DTWD2: variants seen among roughly 807,000 people sequenced by gnomAD.
DTWD2 encodes DTW motif tRNA-uridine aminocarboxypropyltransferase 2.
In DTWD2, 39 loss-of-function variants were observed where a neutral mutation model predicts 31.8. The observed-to-expected ratio is 1.22, with a 90% CI of 0.95 to 1.60. The LOEUF is 1.60. DTWD2 is among the 40% of genes most tolerant of loss of function. The probability of loss-of-function intolerance (pLI) is 0.00; values close to 1 mark genes in which losing one functional copy is unlikely to be tolerated. For synonymous variants in DTWD2, 180 were observed against 142.8 expected, an observed-to-expected ratio of 1.26 and a Z score of -1.86; for missense variants, 515 against 381.5, an observed-to-expected ratio of 1.35 and a Z score of -2.92.
intron 4 of DTWD2, among the ~76,000 whole-genome samples, chr5:118,902,858 A>C (rs1429587517): frequency 6.6e-6 from 1 of 152,096 alleles, no homozygotes; most frequent in Non-Finnish European, 1.5e-5. Flanking sequence ...AGATGCTCTA[A>C]GCTTATGAAT....
chr5:118,848,306 C>A, intron 4 of DTWD2, 88 bp from the exon 5 acceptor site: 3 of 1,221,876 alleles, frequency 2.5e-6, no homozygotes, highest in African/African-American at 1.6e-5. Flanking sequence ...ACTTTCCTTC[C>A]AAAACTGCCA....
At chr5:118,845,464 A>G (rs1278430389) in intron 5 of DTWD2, among the ~76,000 whole-genome samples, 2 of 152,224 alleles carry the variant, frequency 1.3e-5, no homozygotes, top group Non-Finnish European at 2.9e-5. Context: ...AACAGCTTTC[A>G]CTATAAATTG....
chr5:118,914,134 A>C (rs1037804773), intron 4 of DTWD2, among the ~76,000 whole-genome samples: 26 of 152,184 alleles, frequency 1.7e-4, no homozygotes, highest in African/African-American at 6.3e-4. Flanking sequence ...TCTGGTTTAA[A>C]TGTGTCCCCT....
intron 4 of DTWD2, among the ~76,000 whole-genome samples, chr5:118,889,248 T>C (rs571675094): frequency 2.0e-5 from 3 of 152,166 alleles, no homozygotes; most frequent in East Asian, 1.9e-4. Context: ...GAAAAATTCA[T>C]CTCATATAAA....
At chr5:118,879,738 G>A (rs991572282) in intron 4 of DTWD2, among the ~76,000 whole-genome samples, 2 of 151,800 alleles carry the variant, frequency 1.3e-5, no homozygotes, top group East Asian at 1.9e-4. Flanking sequence ...TTACTTATAC[G>A]TAGAGCTAAG....
chr5:118,955,224 C>T (rs890804276), intron 1 of DTWD2, among the ~76,000 whole-genome samples: 12 of 152,178 alleles, frequency 7.9e-5, no homozygotes, highest in African/African-American at 2.7e-4. Flanking sequence ...CCTAATTTTA[C>T]TTATAATTAC....
chr5:118,984,306 C>T (rs923901653), intron 1 of DTWD2, among the ~76,000 whole-genome samples: 3 of 149,820 alleles, frequency 2.0e-5, no homozygotes, highest in African/African-American at 7.4e-5. Flanking sequence ...AAAAAAAATA[C>T]AAAACTTAGC....
intron 1 of DTWD2, chr5:118,973,710 G>A (rs1466369525): frequency 6.9e-5 from 106 of 1,528,258 alleles, no homozygotes; most frequent in Admixed American, 1.4e-4. Flanking sequence ...CTCCGCCGCC[G>A]CGGACTCCGG....
chr5:118,988,113 G>GA (rs1755469700), intron 1 of DTWD2, 181 bp downstream of exon 1: 1 of 769,962 alleles, frequency 1.3e-6, no homozygotes, highest in Non-Finnish European at 2.2e-6. Context: ...CATGAACCTG[G>GA]AAAAAGGGCT....
At position 118,902,465 on chromosome 5, in the gene DTWD2, A is replaced by G. The variant is rs143233719; in HGVS notation, c.597+26072T>C. Among the ~76,000 whole-genome samples the G allele has an allele frequency of 8.5e-5, 13 of 152,278 alleles. No homozygotes were observed. The East Asian group carries it at 2.5e-3, about 29-fold the overall frequency. The stretch of plus-strand genomic sequence containing the variant: ...GTACCCAGATTTCTGTAAATCAAAT[A>G]ATTATATCTTCAGATAACAGAATCT... On this transcript the variant is annotated intron_variant, in intron 4 of 5. Transcript: ENST00000510708.
intron 4 of DTWD2, among the ~76,000 whole-genome samples, chr5:118,918,330 T>C (rs553591898): frequency 2.6e-5 from 4 of 152,286 alleles, no homozygotes; most frequent in Non-Finnish European, 5.9e-5. Flanking sequence ...TCAGGTTTTT[T>C]TTTATTTTTT....
chr5:118,874,374 G>C (rs1415356714), intron 4 of DTWD2, among the ~76,000 whole-genome samples: 1 of 152,142 alleles, frequency 6.6e-6, no homozygotes, highest in Non-Finnish European at 1.5e-5. Context: ...GCTGAAATGA[G>C]AGAAATATAA....
Position 118,970,681 on chromosome 5 carries a change from G to A in DTWD2, c.218+17613C>T, listed in dbSNP as rs116084900. 7.4e-3 allele frequency among the ~76,000 whole-genome samples: 1,128 copies of A among 151,904 alleles called. 18 individuals are homozygous for A. The highest frequency in any genetic ancestry group is 0.026 in the African/African-American group (1,065 of 41,442). On this transcript the variant is annotated intron_variant, in intron 1 of 5. Transcript: ENST00000510708. ...CACGAGAAGATCTACCCCAAGACAC[G>A]TAATCAACAGATTCTCCAAGGTCAA...
At chr5:118,889,557 T>C (rs545542537) in intron 4 of DTWD2, among the ~76,000 whole-genome samples, 1 of 152,192 alleles carries the variant, frequency 6.6e-6, no homozygotes, top group African/African-American at 2.4e-5. Flanking sequence ...TGTATATAAA[T>C]AAAATAATTT....
intron 4 of DTWD2, among the ~76,000 whole-genome samples, chr5:118,849,265 A>G (rs1263123481): frequency 8.5e-5 from 13 of 152,356 alleles, no homozygotes; most frequent in Admixed American, 5.2e-4. Flanking sequence ...GCCAACAAAC[A>G]TAAGAAAAAA....
rs902843244 is a variant in DTWD2, at chr5:118,944,597, T to C, written c.271A>G (p.Ile91Val). The change falls in exon 2 of 6, where the codon ATC becomes GTC. Residue 91 changes from isoleucine (I) to valine (V), a missense_variant. Ile to Val is a conservative substitution (Grantham distance 29). Coordinates refer to ENST00000510708, the MANE Select transcript of DTWD2 (RefSeq NM_173666.4). ...TGAATTATGTACAAGTGGGTAGAGA[T>C]ATGCAGAGGGTGCGCTGGGAGAAAT... ...CPFLPAHPLHISTHLYIIQHP... is the reference protein window; with the variant it reads ...CPFLPAHPLHVSTHLYIIQHP... 1.2e-6 allele frequency: 2 copies of C among 1,613,616 alleles called. No homozygotes were observed. Among genetic ancestry groups the C allele is most frequent in the Non-Finnish European group, 8.5e-7 (1 of 1,179,770 alleles).
intron 4 of DTWD2, among the ~76,000 whole-genome samples, chr5:118,856,795 G>T (rs1752145266): frequency 4.0e-5 from 3 of 75,384 alleles, no homozygotes; most frequent in Non-Finnish European, 2.7e-5. Flanking sequence ...TTTTGAGATG[G>T]AGTTTTGCTC....
At chr5:118,945,231 C>T (rs925796456) in intron 1 of DTWD2, among the ~76,000 whole-genome samples, 2 of 152,082 alleles carry the variant, frequency 1.3e-5, no homozygotes, top group Non-Finnish European at 2.9e-5. Flanking sequence ...TTTCTTACTG[C>T]TTGTCATTTT....
intron 4 of DTWD2, among the ~76,000 whole-genome samples, chr5:118,902,889 C>T (rs1753246609): frequency 6.6e-6 from 1 of 151,972 alleles, no homozygotes; most frequent in Admixed American, 6.6e-5. Context: ...TTATTAATAT[C>T]CTTTTATACC....
Sources: gnomAD v4.1 joint callset for allele counts (sites outside exome capture counted in the v4.1 genomes callset) on GRCh38, gnomAD v4.1.1 for gene constraint, MANE v1.5 for transcripts, NCBI Gene and HGNC (gene_info 2026-07-23, HGNC 2026-07-21) for gene names.